CARMIL1: variants seen among roughly 807,000 people sequenced by gnomAD.
CARMIL1 encodes F-actin-uncapping protein LRRC16A.
A neutral mutation model predicts 177.1 loss-of-function variants in CARMIL1; 90 were observed. That is an observed-to-expected ratio of 0.51 (90% confidence interval 0.43 to 0.61). The LOEUF (loss-of-function observed/expected upper bound fraction) is 0.61. Among genes scored for constraint, CARMIL1 ranks in the 20% least tolerant of loss-of-function variants. CARMIL1 has a pLI of 0.00. For synonymous variants in CARMIL1, 577 were observed against 606.2 expected (o/e 0.95, Z 0.71); for missense variants, 1,380 against 1,667.0 (o/e 0.83, Z 3.00).
intron 13 of CARMIL1, 120 bp downstream of exon 13, chr6:25,488,705 A>C: frequency 1.2e-6 from 1 of 804,436 alleles, no homozygotes; most frequent in Non-Finnish European, 2.1e-6. Context: ...ACACCTTTGA[A>C]TCATTTAGTT....
At chr6:25,441,320 C>CATATAT (rs199573016) in intron 5 of CARMIL1, among the ~76,000 whole-genome samples, 1,632 of 99,482 alleles carry the variant, frequency 0.016, 33 homozygotes, top group African/African-American at 0.031. Flanking sequence ...AACAAACAAA[C>CATATAT]ATATATATAT....
intron 33 of CARMIL1, among the ~76,000 whole-genome samples, chr6:25,601,111 T>A (rs1017915591): frequency 3.9e-5 from 6 of 152,242 alleles, no homozygotes; most frequent in African/African-American, 1.4e-4. Flanking sequence ...TTTGACTTGG[T>A]TGTCCTTGTT....
rs1029584305 is a variant in CARMIL1, at chr6:25,620,070, A to T, written c.*487A>T. On this transcript the variant is annotated 3_prime_UTR_variant, in exon 37 of 37. Coordinates refer to ENST00000329474, the MANE Select transcript of CARMIL1 (RefSeq NM_017640.6). ...ATAGCAATTTATTCTTGATGTATGC[A>T]ATTGCACATTGTAATTATATTAACA... 3 of 152,776 alleles carry T rather than the reference A, an allele frequency of 2.0e-5. No homozygotes were observed. The highest frequency in any genetic ancestry group is 7.2e-5 in the African/African-American group (3 of 41,458). The allele number at this position is 152,776 out of a possible 1,614,324, so 9.5% of individuals were successfully genotyped here.
rs115706674 is a variant in CARMIL1 at position 25,360,496 on chromosome 6, G to C, written c.139-59618G>C. Among the ~76,000 whole-genome samples, 790 of 152,220 alleles carry C rather than the reference G, an allele frequency of 5.2e-3. 8 individuals carry two copies. Among genetic ancestry groups the C allele is most frequent in the African/African-American group, 0.012 (505 of 41,518 alleles). On this transcript the variant is annotated intron_variant, in intron 2 of 36. Coordinates refer to ENST00000329474, the MANE Select transcript of CARMIL1 (RefSeq NM_017640.6). ...TGATTTCTGGAAGCCCACTGGGATC[G>C]CTGCTAAACCTTACATACTTTTTTT...
At chr6:25,351,773 C>T (rs777890039) in intron 2 of CARMIL1, among the ~76,000 whole-genome samples, 7 of 151,872 alleles carry the variant, frequency 4.6e-5, no homozygotes, top group African/African-American at 7.3e-5. Flanking sequence ...AAATAATGGA[C>T]GATGATGATG....
At chr6:25,381,164 C>G (rs899211922) in intron 2 of CARMIL1, among the ~76,000 whole-genome samples, 1 of 152,060 alleles carries the variant, frequency 6.6e-6, no homozygotes, top group African/African-American at 2.4e-5. Context: ...TGAGTTCTGC[C>G]TATCAAATTA....
At chr6:25,609,737 G>C (rs921514115) in intron 35 of CARMIL1, among the ~76,000 whole-genome samples, 2 of 152,202 alleles carry the variant, frequency 1.3e-5, no homozygotes, top group Non-Finnish European at 2.9e-5. Context: ...AACAGCCTTT[G>C]TGTTTAAGTC....
At chr6:25,391,378 C>T (rs77450897) in intron 2 of CARMIL1, among the ~76,000 whole-genome samples, 1,757 of 152,270 alleles carry the variant, frequency 0.012, 26 homozygotes, top group African/African-American at 0.038. Flanking sequence ...GGCTGTCTAT[C>T]CTAGGATATG....
intron 2 of CARMIL1, among the ~76,000 whole-genome samples, chr6:25,401,220 T>C (rs1029534537): frequency 6.6e-6 from 1 of 152,176 alleles, no homozygotes; most frequent in African/African-American, 2.4e-5. Flanking sequence ...TAATTAATAA[T>C]GTTGCAGGGA....
chr6:25,460,854 C>T (rs1044523194), intron 8 of CARMIL1, among the ~76,000 whole-genome samples: 3 of 152,162 alleles, frequency 2.0e-5, no homozygotes, highest in African/African-American at 7.2e-5. Context: ...CAGATGTGTA[C>T]TAGGATGGAA....
intron 35 of CARMIL1, among the ~76,000 whole-genome samples, chr6:25,608,834 C>T (rs900645392): frequency 7.2e-5 from 11 of 152,146 alleles, no homozygotes; most frequent in African/African-American, 2.7e-4. Flanking sequence ...TGCACAGACA[C>T]TCACACGCCA....
In CARMIL1 at chr6:25,459,259, T is replaced by TTTCTTTCTTTCTTTCTTTCTTTC. The variant is rs1799860998; in HGVS notation, c.615-6604_615-6603insCTTTCTTTCTTTCTTCTTTCTTT. Reference sequence around the variant, plus strand: ...CTTTCTTTCTTTCTTTCTTTCTTTCTTTCTTTCTTTTTTTTTTTTTTAAGA... The same window carrying TTTCTTTCTTTCTTTCTTTCTTTC: ...CTTTCTTTCTTTCTTTCTTTCTTTCTTTCTTTCTTTCTTTCTTTCTTTCTTCTTTCTTTTTTTTTTTTTTAAGA... On this transcript the variant is annotated intron_variant, in intron 8 of 36. Coordinates refer to ENST00000329474, the MANE Select transcript of CARMIL1 (RefSeq NM_017640.6). Among the ~76,000 whole-genome samples the TTTCTTTCTTTCTTTCTTTCTTTC allele has an allele frequency of 8.9e-5, 11 of 123,800 alleles. 2 individuals are homozygous for TTTCTTTCTTTCTTTCTTTCTTTC. Among genetic ancestry groups the TTTCTTTCTTTCTTTCTTTCTTTC allele is most frequent in the Non-Finnish European group, 3.4e-5 (2 of 58,628 alleles). 81.2% of individuals were successfully genotyped at this position (123,800 alleles called of 152,430 possible). A position where few individuals can be genotyped will look rare whatever the true frequency, so the allele number is the denominator to read the frequency against.
At chr6:25,318,095 C>G (rs1243371228) in intron 2 of CARMIL1, among the ~76,000 whole-genome samples, 1 of 152,112 alleles carries the variant, frequency 6.6e-6, no homozygotes, top group Non-Finnish European at 1.5e-5. Flanking sequence ...TGTGCCAGAC[C>G]AAGCAGTCTC....
intron 31 of CARMIL1, among the ~76,000 whole-genome samples, chr6:25,586,092 A>G (rs1813632777): frequency 6.7e-6 from 1 of 149,212 alleles, no homozygotes; most frequent in Non-Finnish European, 1.5e-5. Flanking sequence ...GCGGCCAGGC[A>G]GAGGCGCCCC....
intron 2 of CARMIL1, among the ~76,000 whole-genome samples, chr6:25,293,265 G>GGTGTGTGTGT (rs57127326): frequency 0.11 from 14,681 of 134,096 alleles, 1,035 homozygotes; most frequent in Non-Finnish European, 0.15. Flanking sequence ...AAGGATGCTT[G>GGTGTGTGTGT]GTGTGTGTGT....
chr6:25,597,706 C>T lies in CARMIL1; in HGVS notation c.3120-2608C>T, dbSNP rs552532431. On this transcript the variant is annotated intron_variant, in intron 32 of 36. Coordinates refer to ENST00000329474, the MANE Select transcript of CARMIL1 (RefSeq NM_017640.6). ...ATCTGCTGGGGGATTCCCTTCACCTCGTCTCTGTGTCATTTTTCTGTTTCC... is the reference window on the plus strand; with the variant it reads ...ATCTGCTGGGGGATTCCCTTCACCTTGTCTCTGTGTCATTTTTCTGTTTCC... Among the ~76,000 whole-genome samples the T allele has an allele frequency of 2.4e-4, 37 of 152,260 alleles. No individual in the cohort carries two copies. In the East Asian group the frequency reaches 4.1e-3, roughly 17 times the overall value.
chr6:25,382,234 A>G (rs1791620897), intron 2 of CARMIL1, among the ~76,000 whole-genome samples: 1 of 152,062 alleles, frequency 6.6e-6, no homozygotes, highest in Non-Finnish European at 1.5e-5. Context: ...AGTAGCTGGG[A>G]TTACAGGTGT....
At chr6:25,363,675 T>C (rs544715077) in intron 2 of CARMIL1, among the ~76,000 whole-genome samples, 2 of 152,318 alleles carry the variant, frequency 1.3e-5, no homozygotes, top group East Asian at 3.9e-4. Flanking sequence ...ACTTGACCAA[T>C]ATGCAATTTA....
At chr6:25,434,418 G>A (rs114654367) in intron 4 of CARMIL1, among the ~76,000 whole-genome samples, 266 of 151,768 alleles carry the variant, frequency 1.8e-3, no homozygotes, top group African/African-American at 6.3e-3. Context: ...ATTAATTATA[G>A]GAATGAGTCT....
Sources: allele counts gnomAD v4.1 joint callset (sites outside exome capture counted in the v4.1 genomes callset), GRCh38; gene constraint gnomAD v4.1.1; transcripts MANE v1.5; gene names NCBI Gene and HGNC (gene_info 2026-07-23, HGNC 2026-07-21).